The following DLG5 variants were observed in gnomAD, a reference collection of about 807,000 sequenced individuals.
DLG5 encodes the protein disks large homolog 5.
A neutral mutation model predicts 189.8 loss-of-function variants in DLG5; 48 were observed. The observed-to-expected ratio is 0.25, with a 90% confidence interval of 0.20 to 0.32. The LOEUF is 0.32. DLG5 is among the 10% of genes least tolerant of loss of function. The pLI is 1.00. For missense variants in DLG5, 2,160 were observed against 2,544.7 expected (o/e 0.85, Z 3.25); for synonymous variants, 1,016 against 1,054.1 (o/e 0.96, Z 0.70).
At chr10:77,851,077 G>T (rs931893961) in intron 5 of DLG5, among the ~76,000 whole-genome samples, 2 of 152,236 alleles carry the variant, frequency 1.3e-5, no homozygotes, top group African/African-American at 4.8e-5. Flanking sequence ...CTGCCCTCAG[G>T]TGGGGGAAGT....
chr10:77,796,936 G>A lies in DLG5; in HGVS notation c.5165-342C>T, dbSNP rs1254500881. On this transcript the variant is annotated intron_variant, in intron 27 of 31. Transcript: ENST00000372391. This position sits in a 1 kb window ranked among gnomAD's most constrained non-coding sequence, Gnocchi z 5.2. ...CTGGCAAGGCAGCCTCTGGGGTTTGGCAGGTAAAGCTCCCACTCCCCAGGA... is the reference window on the plus strand; with the variant it reads ...CTGGCAAGGCAGCCTCTGGGGTTTGACAGGTAAAGCTCCCACTCCCCAGGA... Among the ~76,000 whole-genome samples the A allele has an allele frequency of 6.6e-6, 1 of 152,156 alleles. No individual in the cohort carries two copies. Among genetic ancestry groups the A allele is most frequent in the Non-Finnish European group, 1.5e-5 (1 of 68,044 alleles).
In DLG5 at chr10:77,791,264, T is replaced by C. The variant is rs928069437; in HGVS notation, c.*1176A>G. 2.0e-5 allele frequency: 3 copies of C among 152,080 alleles called. No homozygotes were observed. The highest frequency in any genetic ancestry group is 2.9e-5 in the Non-Finnish European group (2 of 67,978). 9.4% of individuals were successfully genotyped at this position (152,080 alleles called of 1,614,324 possible). On this transcript the variant is annotated 3_prime_UTR_variant, in exon 32 of 32. Transcript: ENST00000372391. The stretch of plus-strand genomic sequence containing the variant: ...GACACTTACACAGAGCCCAGTACAG[T>C]ACCTATTATTAACAGGACGCATAGC...
chr10:77,912,228 T>G (rs2559663), intron 1 of DLG5: 103,261 of 147,810 alleles, frequency 0.7, 36,958 homozygotes, highest in African/African-American at 0.86. Context: ...AAAAAAAAGG[T>G]TAATTTTTCT....
chr10:77,793,230 A>G (rs1840726972), intron 31 of DLG5: 1 of 152,746 alleles, frequency 6.5e-6, no homozygotes, highest in African/African-American at 2.4e-5. Context: ...TTGGCTAAAT[A>G]CCAGTCTGTG....
At position 77,853,358 on chromosome 10, in the gene DLG5, T is replaced by A; in HGVS notation, c.860A>T (p.Gln287Leu). The A allele has an allele frequency of 6.5e-7, 1 of 1,544,560 alleles. No homozygotes were observed. The highest frequency in any genetic ancestry group is 8.8e-7 in the Non-Finnish European group (1 of 1,137,192). ...KEIGDLRAQQ[Q>L]QVLKHNGSSE... is the part of the protein sequence containing the mutation. ...GTCTCCAGGGGCTGGGCCTACCTGCTGCTGCTGGGCACGGAGGTCACCGAT... is the reference window on the plus strand; with the variant it reads ...GTCTCCAGGGGCTGGGCCTACCTGCAGCTGCTGGGCACGGAGGTCACCGAT... Residue 287 changes from glutamine (Q) to leucine (L), a missense_variant, in exon 5 of 32, where the codon CAG (glutamine) becomes CTG (leucine). Gln to Leu is a moderately radical substitution (Grantham distance 113). Around this residue, in one of 5 missense-constraint regions of DLG5, gnomAD observed 664 missense variants for 838.5 expected, o/e 0.79. Transcript: ENST00000372391.
intron 20 of DLG5, among the ~76,000 whole-genome samples, chr10:77,812,932 A>G (rs977538001): frequency 1.3e-4 from 20 of 152,236 alleles, no homozygotes; most frequent in Non-Finnish European, 2.6e-4. Flanking sequence ...CTGGGGCTGT[A>G]CAGTGCACCC....
chr10:77,870,262 T>C (rs867442490), intron 1 of DLG5, among the ~76,000 whole-genome samples: 27 of 152,274 alleles, frequency 1.8e-4, no homozygotes, highest in Middle Eastern at 3.4e-3. Context: ...CCAGGCCAAG[T>C]GGGTGAGCTG....
intron 1 of DLG5, among the ~76,000 whole-genome samples, chr10:77,895,462 C>T (rs1369518801): frequency 1.3e-5 from 2 of 152,160 alleles, no homozygotes; most frequent in East Asian, 1.9e-4. Flanking sequence ...TGTAACACTC[C>T]TGGCAATGGT....
At chr10:77,935,561 CAG>C in the DLG5 span, among the ~76,000 whole-genome samples, 8,007 of 152,148 alleles carry the variant, frequency 0.053, 269 homozygotes, top group African/African-American at 0.071. Flanking sequence ...CCTGGAGAAA[CAG>C]ATCCTGGCGG....
At chr10:77,905,027 G>A (rs7074203) in intron 1 of DLG5, among the ~76,000 whole-genome samples, 8,057 of 151,504 alleles carry the variant, frequency 0.053, 272 homozygotes, top group African/African-American at 0.073. Flanking sequence ...TACTCGGGAG[G>A]CTGAGGAAGG....
chr10:77,827,679 A>G (rs1290785832), intron 13 of DLG5, among the ~76,000 whole-genome samples: 10 of 152,234 alleles, frequency 6.6e-5, no homozygotes, highest in Admixed American at 6.5e-5. Context: ...ACTGTTTGCA[A>G]TTGCAGACCC....
At chr10:77,809,449 G>T in intron 24 of DLG5, 98 bp downstream of exon 24, 37 of 1,340,430 alleles carry the variant, frequency 2.8e-5, no homozygotes, top group Non-Finnish European at 3.8e-5. Flanking sequence ...CACCAGATGA[G>T]AGGCTGTACT....
At chr10:77,823,799 A>G (rs1842485866) in intron 14 of DLG5, among the ~76,000 whole-genome samples, 1 of 152,184 alleles carries the variant, frequency 6.6e-6, no homozygotes, top group Non-Finnish European at 1.5e-5. Context: ...TGCTGGGATT[A>G]CAGGCATGAG....
intron 30 of DLG5, among the ~76,000 whole-genome samples, chr10:77,794,604 A>T (rs960517504): frequency 3.3e-5 from 5 of 152,194 alleles, no homozygotes; most frequent in Non-Finnish European, 7.4e-5. Flanking sequence ...ATGCCCAAAA[A>T]ACAGTGGCAG....
chr10:77,900,160 G>A (rs1845881555), intron 1 of DLG5, among the ~76,000 whole-genome samples: 1 of 152,062 alleles, frequency 6.6e-6, no homozygotes, highest in African/African-American at 2.4e-5. Context: ...CAAGACACTA[G>A]GCAACTTACC....
chr10:77,807,471 T>C lies in DLG5; in HGVS notation c.4796+325A>G, dbSNP rs59657320. On this transcript the variant is annotated intron_variant, in intron 25 of 31. Coordinates refer to ENST00000372391, the MANE Select transcript of DLG5 (RefSeq NM_004747.4). ...AAGATGCCTGGAAGTCCACACACAC[T>C]GCAGAGGGATCTGCAAACCTGGCTT... is the stretch of plus-strand genomic sequence containing the variant. Among the ~76,000 whole-genome samples, 770 of 152,276 alleles carry C rather than the reference T, an allele frequency of 5.1e-3. 18 individuals are homozygous for C. In the East Asian group the frequency reaches 0.073, roughly 14 times the overall value.
chr10:77,833,542 TGCGA>T (rs1339332797), intron 9 of DLG5, among the ~76,000 whole-genome samples: 3 of 82,738 alleles, frequency 3.6e-5, no homozygotes, highest in Non-Finnish European at 6.9e-5. Context: ...AAAAAATCTC[TGCGA>T]GTGAGTGAGT....
intron 1 of DLG5, among the ~76,000 whole-genome samples, chr10:77,901,133 A>G (rs1845914966): frequency 6.6e-6 from 1 of 151,206 alleles, no homozygotes; most frequent in African/African-American, 2.4e-5. Context: ...AAAAAAAAAG[A>G]AAAGAGAAGA....
At chr10:77,876,588 G>A (rs1338303330) in intron 1 of DLG5, among the ~76,000 whole-genome samples, 5 of 151,542 alleles carry the variant, frequency 3.3e-5, no homozygotes, top group South Asian at 4.2e-4. Flanking sequence ...TGGCCAGGCC[G>A]GTCTCGAACT....
Sources: gnomAD v4.1 joint callset for allele counts (sites outside exome capture counted in the v4.1 genomes callset) on GRCh38, gnomAD v4.1.1 for gene constraint, gnomAD v4.1.1 regional missense constraint, Gnocchi (gnomAD v3.1) non-coding constraint, MANE v1.5 for transcripts, NCBI Gene and HGNC (gene_info 2026-07-23, HGNC 2026-07-21) for gene names.